THSD4: variants seen among roughly 807,000 people sequenced by gnomAD.
THSD4 encodes thrombospondin type 1 domain containing 4.
THSD4 carries 69 observed loss-of-function variants against 119.0 expected under a neutral mutation model. The observed-to-expected ratio is 0.58, with a 90% CI of 0.48 to 0.71. THSD4 has a LOEUF of 0.71. Ranked by LOEUF, THSD4 falls within the 30% of genes least tolerant of loss-of-function variation. The pLI, the probability that THSD4 is intolerant of heterozygous loss-of-function variation, is 0.00. For synonymous variants in THSD4, 524 were observed against 540.4 expected, an observed-to-expected ratio of 0.97 and a Z score of 0.42; for missense variants, 1,393 against 1,391.1, an observed-to-expected ratio of 1.00 and a Z score of -0.02.
chr15:71,698,998 C>T (rs2052227336), intron 8 of THSD4, among the ~76,000 whole-genome samples: 1 of 152,042 alleles, frequency 6.6e-6, no homozygotes, highest in African/African-American at 2.4e-5. Flanking sequence ...CTCTACGATA[C>T]AGTATAGGGC....
chr15:71,580,123 A>G (rs941635484), intron 7 of THSD4, among the ~76,000 whole-genome samples: 1 of 152,190 alleles, frequency 6.6e-6, no homozygotes, highest in South Asian at 2.1e-4. Flanking sequence ...AGTAAGAAGT[A>G]TAGATGTCAT....
intron 7 of THSD4, among the ~76,000 whole-genome samples, chr15:71,492,026 C>T (rs1385782246): frequency 6.6e-6 from 1 of 151,606 alleles, no homozygotes; most frequent in African/African-American, 2.4e-5. Flanking sequence ...TCTTCATTAT[C>T]ACTTTTATTT....
intron 3 of THSD4, among the ~76,000 whole-genome samples, chr15:71,199,650 G>A (rs879026045): frequency 6.2e-4 from 28 of 44,926 alleles, no homozygotes; most frequent in African/African-American, 2.5e-3. Context: ...TGTGTGTGGT[G>A]TGTGTGTGTG....
At chr15:71,441,601 G>C (rs1467098346) in intron 7 of THSD4, among the ~76,000 whole-genome samples, 2 of 151,524 alleles carry the variant, frequency 1.3e-5, no homozygotes, top group Non-Finnish European at 2.9e-5. Flanking sequence ...CACTATGTTG[G>C]CCAGGCTGGT....
intron 6 of THSD4, among the ~76,000 whole-genome samples, chr15:71,313,137 A>G (rs142857629): frequency 6.6e-6 from 1 of 152,324 alleles, no homozygotes; most frequent in East Asian, 1.9e-4. Context: ...TATTGATATC[A>G]GTATGGACCC....
chr15:71,205,690 G>A (rs2043837872), intron 3 of THSD4, among the ~76,000 whole-genome samples: 1 of 152,164 alleles, frequency 6.6e-6, no homozygotes, highest in Non-Finnish European at 1.5e-5. Flanking sequence ...TTCTTACACT[G>A]ATACTGCAGC....
intron 3 of THSD4, among the ~76,000 whole-genome samples, chr15:71,173,208 T>C (rs1412710226): frequency 2.0e-5 from 3 of 152,008 alleles, no homozygotes; most frequent in Admixed American, 1.3e-4. Context: ...CAAAAATCAA[T>C]TGCATTTCTA....
At position 71,394,387 on chromosome 15, in the gene THSD4, C is replaced by T. The variant is rs537712265; in HGVS notation, c.1016-17300C>T. Among the ~76,000 whole-genome samples the T allele has an allele frequency of 3.3e-4, 50 of 151,862 alleles. No homozygotes were observed. The South Asian group carries it at 9.6e-3, about 29-fold the overall frequency. On this transcript the variant is annotated intron_variant, in intron 6 of 17. Transcript: ENST00000261862. ...TCCTGGGTTCAAGCGATTCTCCTGC[C>T]TCAGCCTCCTGAGTAGCTGGGACTA...
rs190912343 is a variant in THSD4 at position 71,661,444 on chromosome 15, C to T, written c.1357+710C>T. On this transcript the variant is annotated intron_variant, in intron 8 of 17. Transcript: ENST00000261862. The stretch of plus-strand genomic sequence containing the variant: ...AGAATCTTGCCCTGTCACCCAGGTT[C>T]GAGTGCAGTGGTGCGATTTTTGCTC... Among the ~76,000 whole-genome samples, 789 of 149,768 alleles carry T rather than the reference C, an allele frequency of 5.3e-3. 7 individuals are homozygous for T. The highest frequency in any genetic ancestry group is 0.021 in the Middle Eastern group (6 of 292).
chr15:71,673,892 G>A (rs1382482848), intron 8 of THSD4, among the ~76,000 whole-genome samples: 1 of 152,106 alleles, frequency 6.6e-6, no homozygotes, highest in East Asian at 1.9e-4. Flanking sequence ...GAGTAGCTGG[G>A]ACTACAGGCG....
At chr15:71,690,894 T>C (rs1227415056) in intron 8 of THSD4, among the ~76,000 whole-genome samples, 1 of 152,166 alleles carries the variant, frequency 6.6e-6, no homozygotes, top group Non-Finnish European at 1.5e-5. Flanking sequence ...GAATTCAAGA[T>C]GAGATTTGGA....
At chr15:71,259,997 C>T (rs1195805765) in intron 6 of THSD4, among the ~76,000 whole-genome samples, 1 of 152,156 alleles carries the variant, frequency 6.6e-6, no homozygotes, top group African/African-American at 2.4e-5. Flanking sequence ...GAGCAGTGTG[C>T]GTTCTGTAAT....
chr15:71,459,189 C>A (rs1306825870), intron 7 of THSD4, among the ~76,000 whole-genome samples: 5 of 135,412 alleles, frequency 3.7e-5, no homozygotes, highest in African/African-American at 1.2e-4. Context: ...GACAGAGTCT[C>A]CCTCTGTTGC....
At chr15:71,486,441 C>A (rs1027554824) in intron 7 of THSD4, among the ~76,000 whole-genome samples, 3 of 152,134 alleles carry the variant, frequency 2.0e-5, no homozygotes, top group African/African-American at 7.2e-5. Context: ...TTTTAGGATA[C>A]TCCCTGGTAT....
rs74021964 is a variant in THSD4 at position 71,359,401 on chromosome 15, C to T, written c.1016-52286C>T. ...GTTATCTCATTGGTTTTCACAGTAA[C>T]CCTGGTAGGTAGAAGCTGTATTCGT... On this transcript the variant is annotated intron_variant, in intron 6 of 17. Coordinates refer to ENST00000261862, the MANE Select transcript of THSD4 (RefSeq NM_024817.3). Among the ~76,000 whole-genome samples, 254 of 152,320 alleles carry T rather than the reference C, an allele frequency of 1.7e-3. 3 individuals are homozygous for T. The highest frequency in any genetic ancestry group is 4.5e-3 in the Admixed American group (69 of 15,304).
chr15:71,252,463 C>T (rs903957883), intron 5 of THSD4, among the ~76,000 whole-genome samples: 1 of 152,252 alleles, frequency 6.6e-6, no homozygotes, highest in African/African-American at 2.4e-5. Context: ...TTTTCATCCT[C>T]ACTCCGCAGC....
intron 1 of THSD4, among the ~76,000 whole-genome samples, chr15:71,120,615 C>T (rs1324571566): frequency 1.3e-5 from 2 of 152,224 alleles, no homozygotes; most frequent in East Asian, 3.9e-4. Context: ...TAAGGCCTGG[C>T]CAGCAGTGAG....
intron 11 of THSD4, among the ~76,000 whole-genome samples, chr15:71,740,244 A>C (rs1049184899): frequency 6.6e-6 from 1 of 152,230 alleles, no homozygotes; most frequent in African/African-American, 2.4e-5. Context: ...AAAGCTAGAA[A>C]TATTTTTGCA....
Position 71,453,240 on chromosome 15 carries a change from A to G in THSD4, c.1152+41417A>G, listed in dbSNP as rs115055918. 7.2e-3 allele frequency among the ~76,000 whole-genome samples: 1,104 copies of G among 152,336 alleles called. 6 individuals carry two copies. Among genetic ancestry groups the G allele is most frequent in the African/African-American group, 0.025 (1,035 of 41,580 alleles). ...AGACCACCCTTTCCCCTGTGGCAAG[A>G]CATTGCCTCATGCCGTAGCTCTCCT... On this transcript the variant is annotated intron_variant, in intron 7 of 17. Coordinates refer to ENST00000261862, the MANE Select transcript of THSD4 (RefSeq NM_024817.3).
Sources: gnomAD v4.1 joint callset for allele counts (sites outside exome capture counted in the v4.1 genomes callset) on GRCh38, gnomAD v4.1.1 for gene constraint, MANE v1.5 for transcripts, NCBI Gene and HGNC (gene_info 2026-07-23, HGNC 2026-07-21) for gene names.